The following MGAT5 variants were observed in gnomAD, a reference collection of about 807,000 sequenced individuals.
MGAT5 encodes alpha-1,6-mannosylglycoprotein 6-beta-N-acetylglucosaminyltransferase A.
In MGAT5, 30 loss-of-function variants were observed where a neutral mutation model predicts 94.3. The ratio of observed to expected loss-of-function variants is 0.32; its 90% CI spans 0.24 to 0.43. The LOEUF is 0.43. Among genes scored for constraint, MGAT5 ranks in the 20% least tolerant of loss-of-function variants. The pLI, the probability that MGAT5 is intolerant of heterozygous loss-of-function variation, is 1.00. For synonymous variants in MGAT5, 310 were observed against 322.9 expected (o/e 0.96, Z 0.43); for missense variants, 691 against 905.5 (o/e 0.76, Z 3.04).
chr2:134,236,224 C>T (rs1681631714), intron 1 of MGAT5, among the ~76,000 whole-genome samples: 1 of 152,138 alleles, frequency 6.6e-6, no homozygotes, highest in Non-Finnish European at 1.5e-5. Context: ...TTGGAGCTTG[C>T]AGGCAGTGGT....
intron 1 of MGAT5, among the ~76,000 whole-genome samples, chr2:134,130,066 G>A (rs12470458): frequency 0.14 from 21,461 of 152,214 alleles, 1,633 homozygotes; most frequent in East Asian, 0.28. Context: ...CTTAGCACCC[G>A]TGCCAGCAGC....
intron 10 of MGAT5, among the ~76,000 whole-genome samples, chr2:134,393,725 G>T (rs1414095902): frequency 6.6e-6 from 1 of 152,136 alleles, no homozygotes; most frequent in Non-Finnish European, 1.5e-5. Flanking sequence ...AGTAAATTAA[G>T]CACTGAGTGA....
chr2:134,278,866 C>A (rs1442608681), intron 2 of MGAT5, among the ~76,000 whole-genome samples: 2 of 152,174 alleles, frequency 1.3e-5, no homozygotes, highest in African/African-American at 4.8e-5. Flanking sequence ...TTTTTCAAGT[C>A]TCATTTGAAG....
chr2:134,398,679 G>C (rs1319975070), intron 10 of MGAT5, among the ~76,000 whole-genome samples: 2 of 152,192 alleles, frequency 1.3e-5, no homozygotes, highest in African/African-American at 2.4e-5. Context: ...GAATTAGCTT[G>C]AGTGTCCATC....
chr2:134,288,088 G>A (rs879826008), intron 2 of MGAT5, among the ~76,000 whole-genome samples: 2 of 152,046 alleles, frequency 1.3e-5, no homozygotes, highest in Admixed American at 6.5e-5. Context: ...GAATTCTCTT[G>A]CTGGTGTCTG....
At chr2:134,435,831 T>C (rs1039995041) in intron 14 of MGAT5, among the ~76,000 whole-genome samples, 1 of 152,218 alleles carries the variant, frequency 6.6e-6, no homozygotes, top group African/African-American at 2.4e-5. Flanking sequence ...ATAAGGCAAG[T>C]TGGCACTGCC....
At chr2:134,265,568 A>G (rs1015925784) in intron 1 of MGAT5, among the ~76,000 whole-genome samples, 4 of 152,228 alleles carry the variant, frequency 2.6e-5, no homozygotes, top group Non-Finnish European at 4.4e-5. Context: ...GAGACATTTT[A>G]AATGTTTTTC....
intron 10 of MGAT5, among the ~76,000 whole-genome samples, chr2:134,374,258 A>G (rs917938091): frequency 6.6e-6 from 1 of 152,182 alleles, no homozygotes; most frequent in Admixed American, 6.5e-5. Context: ...AAGTGTTAGT[A>G]TGGATTTGCA....
chr2:134,366,712 T>C (rs1051241337), intron 10 of MGAT5, among the ~76,000 whole-genome samples: 1 of 152,190 alleles, frequency 6.6e-6, no homozygotes. Context: ...AGACGGAGAC[T>C]CTTTCTCACA....
At chr2:134,365,793 A>G (rs2106130159) in intron 10 of MGAT5, among the ~76,000 whole-genome samples, 1 of 152,256 alleles carries the variant, frequency 6.6e-6, no homozygotes, top group Non-Finnish European at 1.5e-5. Context: ...TCCTATAGTC[A>G]TATCAACATA....
chr2:134,190,927 G>A (rs1432497581), intron 1 of MGAT5, among the ~76,000 whole-genome samples: 2 of 152,048 alleles, frequency 1.3e-5, no homozygotes, highest in Non-Finnish European at 2.9e-5. Context: ...GGGATTACAA[G>A]TGTGAGCCAG....
intron 1 of MGAT5, among the ~76,000 whole-genome samples, chr2:134,132,088 A>G (rs1453074267): frequency 6.6e-6 from 1 of 152,244 alleles, no homozygotes; most frequent in Non-Finnish European, 1.5e-5. Flanking sequence ...GCAGTGGTTA[A>G]CTGATGCACA....
At position 134,214,973 on chromosome 2, in the gene MGAT5, C is replaced by T. The variant is rs111311417; in HGVS notation, c.-142-39289C>T. ...TCCTCTCTTCCAGCTTCTACCTCTA[C>T]AATCCCCACGCCTCAATCCTGACTG... On this transcript the variant is annotated intron_variant, in intron 1 of 16. Coordinates refer to the MGAT5 transcript ENST00000409645. Among the ~76,000 whole-genome samples the T allele has an allele frequency of 8.6e-4, 131 of 152,294 alleles. 1 individual carries two copies. The highest frequency in any genetic ancestry group is 3.0e-3 in the African/African-American group (125 of 41,572).
Position 134,241,729 on chromosome 2 carries a change from T to G in MGAT5, c.-142-12533T>G, listed in dbSNP as rs1681981874. ...TCATATATATGTAAACACTGAGAAA[T>G]GACTGAAAAGTTCCTAAGGGGTGGG... On this transcript the variant is annotated intron_variant, in intron 1 of 16. Coordinates refer to the MGAT5 transcript ENST00000409645. Among the ~76,000 whole-genome samples the G allele has an allele frequency of 2.6e-5, 4 of 152,288 alleles. No homozygotes were observed. In the South Asian group the frequency reaches 8.3e-4, roughly 32 times the overall value.
chr2:134,372,475 G>A (rs1454618693), intron 10 of MGAT5, among the ~76,000 whole-genome samples: 1 of 152,186 alleles, frequency 6.6e-6, no homozygotes, highest in African/African-American at 2.4e-5. Context: ...TTAAAGCACT[G>A]TCTCGTAGCC....
chr2:134,427,004 A>G (rs570505107), intron 13 of MGAT5, among the ~76,000 whole-genome samples: 2 of 152,308 alleles, frequency 1.3e-5, no homozygotes, highest in African/African-American at 2.4e-5. Context: ...TCAGCATTTG[A>G]AGACAATTAA....
intron 9 of MGAT5, among the ~76,000 whole-genome samples, chr2:134,359,954 T>A (rs1374122812): frequency 6.6e-6 from 1 of 152,196 alleles, no homozygotes; most frequent in African/African-American, 2.4e-5. Flanking sequence ...CAAACCCTTA[T>A]GTGGTCAAGG....
At chr2:134,353,461 G>A (rs909179259) in intron 9 of MGAT5, among the ~76,000 whole-genome samples, 6 of 152,112 alleles carry the variant, frequency 3.9e-5, no homozygotes, top group African/African-American at 1.2e-4. Flanking sequence ...TCTAGATTCC[G>A]GAATGATACA....
chr2:134,443,184 TTTGTTG>T lies in MGAT5; in HGVS notation c.2027+1284_2027+1289del, dbSNP rs143511892. On this transcript the variant is annotated intron_variant, in intron 15 of 15. Transcript: ENST00000281923. The stretch of plus-strand genomic sequence containing the variant: ...AGTAGGGGTGTAAGCTATGTTTTTT[TTTGTTG>T]TTGTTGTTGTTGTTTTTGAGACAGG... 2.3e-3 allele frequency among the ~76,000 whole-genome samples: 348 copies of T among 150,522 alleles called. 1 individual carries two copies. Among genetic ancestry groups the T allele is most frequent in the African/African-American group, 7.3e-3 (298 of 40,896 alleles).
Sources: allele counts gnomAD v4.1 joint callset (sites outside exome capture counted in the v4.1 genomes callset), GRCh38; gene constraint gnomAD v4.1.1; transcripts MANE v1.5; gene names NCBI Gene and HGNC (gene_info 2026-07-23, HGNC 2026-07-21).